The following CACNA1D variants were observed in gnomAD, a reference collection of about 807,000 sequenced individuals.
CACNA1D encodes the protein calcium voltage-gated channel subunit alpha1 D, also known as voltage-dependent L-type calcium channel subunit alpha-1D.
Under a neutral mutation model 257.1 loss-of-function variants are expected in CACNA1D, and 55 were observed. That is an observed-to-expected ratio of 0.21 (90% CI 0.17 to 0.27). The LOEUF is 0.27. Ranked by LOEUF, CACNA1D falls within the 10% of genes least tolerant of loss-of-function variation. The probability of loss-of-function intolerance (pLI) is 1.00; values close to 1 mark genes in which losing one functional copy is unlikely to be tolerated. For missense variants in CACNA1D, 1,876 were observed against 2,784.0 expected (o/e 0.67, Z 7.34); for synonymous variants, 980 against 1,014.9 (o/e 0.97, Z 0.65).
Position 53,567,532 on chromosome 3 carries a change from G to C in CACNA1D, c.483+65812G>C, listed in dbSNP as rs113463126. Among the ~76,000 whole-genome samples, 8 of 152,216 alleles carry C rather than the reference G, an allele frequency of 5.3e-5. 1 individual carries two copies. The highest frequency in any genetic ancestry group is 1.9e-4 in the African/African-American group (8 of 41,528). On this transcript the variant is annotated intron_variant, in intron 3 of 47. Coordinates refer to ENST00000350061, the MANE Select transcript of CACNA1D (RefSeq NM_001128840.3). ...GAATTCAGCCACCTTTCAAAATAGA[G>C]CTGTATTTCTACTCCCACCTCACCA...
intron 22 of CACNA1D, among the ~76,000 whole-genome samples, 179 bp from the exon 23 acceptor site, chr3:53,744,561 G>A (rs990535479): frequency 2.0e-5 from 3 of 152,196 alleles, no homozygotes; most frequent in Admixed American, 6.5e-5. Flanking sequence ...GTGCTGCCTC[G>A]TGTGGGCGGG....
At chr3:53,604,861 A>G (rs2107907092) in intron 3 of CACNA1D, among the ~76,000 whole-genome samples, 1 of 152,270 alleles carries the variant, frequency 6.6e-6, no homozygotes, top group East Asian at 1.9e-4. Context: ...AAGAGGATGG[A>G]CATTCCTAAG....
At chr3:53,557,576 C>T (rs116429922) in intron 3 of CACNA1D, among the ~76,000 whole-genome samples, 2,775 of 152,200 alleles carry the variant, frequency 0.018, 95 homozygotes, top group African/African-American at 0.062. Flanking sequence ...GGTTGAAGTG[C>T]GTTTTCTTTT....
In CACNA1D at chr3:53,675,582, G is replaced by A. The variant is rs2633709; in HGVS notation, c.1220+2456G>A. Reference sequence around the variant, plus strand: ...ATGAAGTAGAGGCAGGAGCCAGATCGTGAGGTGCTTAAAAAAAGAAAAGAG... The same window carrying A: ...ATGAAGTAGAGGCAGGAGCCAGATCATGAGGTGCTTAAAAAAAGAAAAGAG... On this transcript the variant is annotated intron_variant, in intron 8 of 47. Transcript: ENST00000350061. 4.9e-3 allele frequency among the ~76,000 whole-genome samples: 745 copies of A among 152,166 alleles called. 24 individuals carry two copies. In the East Asian group the frequency reaches 0.083, roughly 17 times the overall value.
intron 15 of CACNA1D, 123 bp from the exon 16 acceptor site, chr3:53,730,319 A>G (rs2094977385): frequency 6.9e-6 from 5 of 726,784 alleles, no homozygotes; most frequent in Non-Finnish European, 1.3e-5. Context: ...CTGTGTGAGT[A>G]TAACACTTGG....
intron 38 of CACNA1D, among the ~76,000 whole-genome samples, chr3:53,781,144 T>C (rs1448986138): frequency 1.3e-5 from 2 of 152,158 alleles, no homozygotes; most frequent in Admixed American, 6.5e-5. Flanking sequence ...GTACATATAG[T>C]AGGAATTGAG....
At chr3:53,578,261 AGATGGAGGGGGTG>A (rs796502419) in intron 3 of CACNA1D, among the ~76,000 whole-genome samples, 37 of 152,204 alleles carry the variant, frequency 2.4e-4, no homozygotes, top group African/African-American at 8.9e-4. Context: ...CAGGAGGACT[AGATGGAGGGGGTG>A]GTATCTGAGC....
intron 9 of CACNA1D, among the ~76,000 whole-genome samples, chr3:53,716,944 G>C (rs1417323789): frequency 6.6e-6 from 1 of 152,212 alleles, no homozygotes; most frequent in Non-Finnish European, 1.5e-5. Flanking sequence ...AAGGCGGGCC[G>C]AACACAGCCC....
rs376394966 is a variant in CACNA1D, at chr3:53,772,102, C to G, written c.4045-731C>G. 2.6e-4 allele frequency among the ~76,000 whole-genome samples: 40 copies of G among 152,346 alleles called. No homozygotes were observed. In the East Asian group the frequency reaches 4.4e-3, roughly 17 times the overall value. ...GGTCACATGTGATGAGGTAAGACAGCAGTTGACATTCAGTGAAAGGACGGG... is the reference window on the plus strand; with the variant it reads ...GGTCACATGTGATGAGGTAAGACAGGAGTTGACATTCAGTGAAAGGACGGG... On this transcript the variant is annotated intron_variant, in intron 32 of 47. Transcript: ENST00000350061.
Position 53,651,366 on chromosome 3 carries a change from C to CTTTTTTTTTTTTTTTTTTTTTTTTT in CACNA1D, c.623+470_623+471insTTTTTTTTTTTTTTTTTTTTTTTTT, listed in dbSNP as rs779207160. 5.5e-4 allele frequency among the ~76,000 whole-genome samples: 45 copies of CTTTTTTTTTTTTTTTTTTTTTTTTT among 81,842 alleles called. 12 individuals carry two copies. Among genetic ancestry groups the CTTTTTTTTTTTTTTTTTTTTTTTTT allele is most frequent in the East Asian group, 3.5e-3 (9 of 2,536 alleles). 53.7% of individuals were successfully genotyped at this position (81,842 alleles called of 152,430 possible). On this transcript the variant is annotated intron_variant, in intron 4 of 47. Transcript: ENST00000350061. ...TCCCTTGAGCAAAGCTATTAATTTT[C>CTTTTTTTTTTTTTTTTTTTTTTTTT]TTTTTTTTTTTTTTTTTTTTTTGCT... is the stretch of plus-strand genomic sequence containing the variant.
intron 9 of CACNA1D, chr3:53,710,261 A>C (rs2094736665): frequency 2.6e-6 from 1 of 388,868 alleles, no homozygotes; most frequent in Non-Finnish European, 5.2e-6. Context: ...TCCTAGCAGG[A>C]GGGGTCTGGG....
chr3:53,710,221 C>T (rs113635606), intron 9 of CACNA1D, among the ~76,000 whole-genome samples: 1 of 152,196 alleles, frequency 6.6e-6, no homozygotes, highest in South Asian at 2.1e-4. Flanking sequence ...AAGGGCACTT[C>T]CTCTCCGCTG....
intron 9 of CACNA1D, among the ~76,000 whole-genome samples, chr3:53,710,638 G>A (rs983950656): frequency 4.6e-5 from 7 of 152,242 alleles, no homozygotes; most frequent in African/African-American, 1.7e-4. Flanking sequence ...CCAAAATAAT[G>A]TGCCCTTACC....
At chr3:53,619,443 GAA>G (rs1410622596) in intron 3 of CACNA1D, among the ~76,000 whole-genome samples, 1 of 152,182 alleles carries the variant, frequency 6.6e-6, no homozygotes, top group Non-Finnish European at 1.5e-5. Context: ...TGAGGTGCTG[GAA>G]ATTATAACCA....
At position 53,499,131 on chromosome 3, in the gene CACNA1D, C is replaced by T. The variant is rs377490124; in HGVS notation, c.377+1670C>T. Reference sequence around the variant, plus strand: ...GCCTGATGCTGTTTCTCTTTGTGCACGGTAATGTGTACATAGCAATTTTTG... The same window carrying T: ...GCCTGATGCTGTTTCTCTTTGTGCATGGTAATGTGTACATAGCAATTTTTG... On this transcript the variant is annotated intron_variant, in intron 2 of 47. Coordinates refer to ENST00000350061, the MANE Select transcript of CACNA1D (RefSeq NM_001128840.3). 1.7e-4 allele frequency among the ~76,000 whole-genome samples: 26 copies of T among 152,172 alleles called. 1 individual carries two copies. The South Asian group carries it at 5.2e-3, about 30-fold the overall frequency.
rs1462084661 is a variant in CACNA1D at position 53,789,910 on chromosome 3, G to T, written c.4923+2958G>T. Among the ~76,000 whole-genome samples, 1 of 152,202 alleles carries T rather than the reference G, an allele frequency of 6.6e-6. No individual in the cohort carries two copies. The highest frequency in any genetic ancestry group is 1.5e-5 in the Non-Finnish European group (1 of 68,040). ...CCAACTGCAATGCTGCCTCCCACAT[G>T]AAGGGGAATGGCTTGAGCTCCTGGA... On this transcript the variant is annotated intron_variant, in intron 40 of 47. Coordinates refer to ENST00000350061, the MANE Select transcript of CACNA1D (RefSeq NM_001128840.3). The surrounding 1 kb of genome is among the most constrained non-coding windows in gnomAD (Gnocchi z 4.2).
chr3:53,583,394 G>A (rs2107761359), intron 3 of CACNA1D, among the ~76,000 whole-genome samples: 1 of 152,228 alleles, frequency 6.6e-6, no homozygotes, highest in South Asian at 2.1e-4. Context: ...GGGGCTGTCT[G>A]GCCTGTACTT....
intron 3 of CACNA1D, among the ~76,000 whole-genome samples, chr3:53,621,835 T>C (rs1057313556): frequency 6.6e-6 from 1 of 152,172 alleles, no homozygotes; most frequent in Non-Finnish European, 1.5e-5. Context: ...ATAGAAGATA[T>C]AATGGCCAAG....
intron 30 of CACNA1D, among the ~76,000 whole-genome samples, chr3:53,767,036 C>T (rs577811268): frequency 9.9e-5 from 15 of 152,222 alleles, no homozygotes; most frequent in Non-Finnish European, 1.3e-4. Flanking sequence ...GGAGTCTAAT[C>T]GCTCTCTCTT....
Sources: gnomAD v4.1 joint callset for allele counts (sites outside exome capture counted in the v4.1 genomes callset) on GRCh38, gnomAD v4.1.1 for gene constraint, Gnocchi (gnomAD v3.1) non-coding constraint, MANE v1.5 for transcripts, NCBI Gene and HGNC (gene_info 2026-07-23, HGNC 2026-07-21) for gene names.